Variants in NVL observed in about 807,000 individuals in gnomAD.
The protein encoded by NVL is nuclear valosin-containing protein-like.
In NVL, 84 loss-of-function variants were observed where a neutral mutation model predicts 110.2. The ratio of observed to expected loss-of-function variants is 0.76; its 90% CI spans 0.64 to 0.91. The LOEUF (loss-of-function observed/expected upper bound fraction) is 0.91, where lower values mean the gene tolerates loss of function less well. NVL is among the 40% of genes least tolerant of loss of function. The pLI, the probability that NVL is intolerant of heterozygous loss-of-function variation, is 0.00. For missense variants in NVL, 882 were observed against 1,035.9 expected (o/e 0.85, Z 2.04); for synonymous variants, 354 against 361.1 (o/e 0.98, Z 0.22).
chr1:224,319,742 G>A (rs749353373), intron 2 of NVL, among the ~76,000 whole-genome samples: 2 of 152,074 alleles, frequency 1.3e-5, no homozygotes, highest in Non-Finnish European at 2.9e-5. Flanking sequence ...AAATATAGGT[G>A]AAAGTTTGAT....
rs1390160288 is a variant in NVL, at chr1:224,305,176, A to C, written c.616-10T>G. On this transcript the variant is annotated splice_polypyrimidine_tract_variant and intron_variant, in intron 6 of 22. Transcript: ENST00000281701. ...AAGAATCTTTTGAATCCTGGAAAGA[A>C]AATAAATTTAAATATGCCATGCTTA... is the stretch of plus-strand genomic sequence containing the variant. The C allele has an allele frequency of 6.3e-7, 1 of 1,593,088 alleles. No homozygotes were observed. The highest frequency in any genetic ancestry group is 2.2e-5 in the East Asian group (1 of 44,806).
rs1667175206 is a variant in NVL at position 224,289,522 on chromosome 1, C to T, written c.1537G>A (p.Glu513Lys). The T allele has an allele frequency of 3.1e-6, 5 of 1,614,122 alleles. No individual in the cohort carries two copies. The African/African-American group carries it at 6.7e-5, about 22-fold the overall frequency. ...MEDLPSKGVQ[E>K]ERLGTEPTSE... ...GTGGGCTCAGTTCCCAGCCTTTCCT[C>T]CTGGACTCCTTTAGATGGCAAATCT... The change falls in exon 13 of 23, where the codon GAG becomes AAG. Residue 513 changes from glutamate (E) to lysine (K), a missense_variant. Physicochemically the swap from Glu to Lys is moderately conservative, Grantham distance 56 (BLOSUM62 1). Coordinates refer to ENST00000281701, the MANE Select transcript of NVL (RefSeq NM_002533.4).
chr1:224,325,337 G>A (rs748266267), intron 2 of NVL, among the ~76,000 whole-genome samples: 15 of 151,332 alleles, frequency 9.9e-5, no homozygotes, highest in South Asian at 2.1e-4. Context: ...TTAGGGAGGC[G>A]AAGGTGGAAG....
At chr1:224,235,578 G>A (rs908748126) in intron 20 of NVL, among the ~76,000 whole-genome samples, 1 of 151,924 alleles carries the variant, frequency 6.6e-6, no homozygotes, top group Admixed American at 6.6e-5. Flanking sequence ...ACCCCTGCCT[G>A]AGACTCTGAT....
chr1:224,293,130 C>T (rs971017737), intron 12 of NVL, among the ~76,000 whole-genome samples: 2 of 149,442 alleles, frequency 1.3e-5, no homozygotes, highest in Non-Finnish European at 3.0e-5. Context: ...AGTGCAGTGG[C>T]GCCATCTCGG....
chr1:224,327,517 T>A (rs1671256655), intron 1 of NVL, among the ~76,000 whole-genome samples: 1 of 152,118 alleles, frequency 6.6e-6, no homozygotes, highest in Non-Finnish European at 1.5e-5. Flanking sequence ...TAAGACTATC[T>A]TCAGGCTATG....
intron 18 of NVL, among the ~76,000 whole-genome samples, chr1:224,265,071 G>A (rs188943557): frequency 1.5e-4 from 23 of 152,184 alleles, no homozygotes; most frequent in East Asian, 7.7e-4. Context: ...AATGTAGGTC[G>A]TTAATGCAAC....
At chr1:224,311,015 G>A (rs970428940) in intron 5 of NVL, among the ~76,000 whole-genome samples, 2 of 152,012 alleles carry the variant, frequency 1.3e-5, no homozygotes, top group African/African-American at 4.8e-5. Flanking sequence ...TTACAGACGT[G>A]AGCCATAACC....
At chr1:224,319,830 C>T (rs979009104) in intron 2 of NVL, among the ~76,000 whole-genome samples, 1 of 152,026 alleles carries the variant, frequency 6.6e-6, no homozygotes, top group Non-Finnish European at 1.5e-5. Context: ...TACAGTGGAT[C>T]GATCAAAACT....
intron 22 of NVL, among the ~76,000 whole-genome samples, chr1:224,231,017 C>T (rs1659817310): frequency 6.6e-6 from 1 of 151,686 alleles, no homozygotes. Context: ...CCTGTAGTCC[C>T]AGCTACTTGG....
At chr1:224,230,276 T>C (rs1659724823) in intron 22 of NVL, among the ~76,000 whole-genome samples, 1 of 152,020 alleles carries the variant, frequency 6.6e-6, no homozygotes, top group Admixed American at 6.6e-5. Context: ...AAGCGTAGAG[T>C]AGGTCAAATA....
At chr1:224,329,148 G>A (rs933071778) in intron 1 of NVL, among the ~76,000 whole-genome samples, 29 of 152,146 alleles carry the variant, frequency 1.9e-4, no homozygotes, top group Middle Eastern at 3.4e-3. Flanking sequence ...GAGGCCGAGG[G>A]TGCAGTGAGT....
In NVL at chr1:224,304,799, C is replaced by A. The variant is rs767077019; in HGVS notation, c.762G>T (p.Gly254=). 1 of 1,613,868 alleles carries A rather than the reference C, an allele frequency of 6.2e-7. No individual in the cohort carries two copies. Among genetic ancestry groups the A allele is most frequent in the Non-Finnish European group, 8.5e-7 (1 of 1,179,810 alleles). Residue 254 remains glycine (G), a synonymous_variant, in exon 8 of 23, where the codon GGG becomes GGT. Coordinates refer to ENST00000281701, the MANE Select transcript of NVL (RefSeq NM_002533.4). ...AVLQKKAKAR[G]LEFQISNVKF... ...TCACGTTGGAGATCTGGAATTCTAA[C>A]CCCCTGGCTTTAGCTGGTAAACAAA...
rs1240784406 is a variant in NVL at position 224,281,152 on chromosome 1, A to G, written c.1933T>C (p.Ser645Pro). ...VANESGLNFI[S>P]VKGPELLNMY... Reference sequence around the variant, plus strand: ...TTTAGTAATTCGGGGCCCTTGACAGATATAAAATTTAGTCCGGACTCATTT... The same window carrying G: ...TTTAGTAATTCGGGGCCCTTGACAGGTATAAAATTTAGTCCGGACTCATTT... Residue 645 changes from serine to proline, a missense_variant, in exon 16 of 23, where the codon TCT (serine) becomes CCT (proline). By Grantham distance (74) the Ser-to-Pro change is moderately conservative. Coordinates refer to ENST00000281701, the MANE Select transcript of NVL (RefSeq NM_002533.4). 6.2e-7 allele frequency: 1 copy of G among 1,613,974 alleles called. No individual in the cohort carries two copies. The highest frequency in any genetic ancestry group is 8.5e-7 in the Non-Finnish European group (1 of 1,179,954).
Position 224,270,511 on chromosome 1 carries a change from T to C in NVL, c.2083-2378A>G, listed in dbSNP as rs550265304. 3.3e-5 allele frequency among the ~76,000 whole-genome samples: 5 copies of C among 152,216 alleles called. No individual in the cohort carries two copies. The South Asian group carries it at 8.3e-4, about 25-fold the overall frequency. On this transcript the variant is annotated intron_variant, in intron 17 of 22. Transcript: ENST00000281701. ...AGGCGGAGGCTGCAGTAAGCCAAGA[T>C]TGCATCATTGCATTCCAGCCTGGGC...
chr1:224,292,382 A>C (rs992313161), intron 12 of NVL, among the ~76,000 whole-genome samples: 10 of 152,220 alleles, frequency 6.6e-5, no homozygotes, highest in Admixed American at 5.2e-4. Flanking sequence ...TTACAGATAA[A>C]GTTATTACTA....
At chr1:224,313,331 T>A (rs1360929404) in intron 4 of NVL, among the ~76,000 whole-genome samples, 1 of 150,230 alleles carries the variant, frequency 6.7e-6, no homozygotes, top group Non-Finnish European at 1.5e-5. Context: ...AAATTCCAAG[T>A]GGATTAAAGA....
In NVL at chr1:224,287,824, T is replaced by A. The variant is rs753800587; in HGVS notation, c.1745A>T (p.Asp582Val). ...FVTVPNVTWA[D>V]IGALEDIREE... is the part of the protein sequence containing the mutation. Reference sequence around the variant, plus strand: ...TCTAATGTCTTCCAGGGCACCAATATCTGCCCATGTCACATTAGGGACAGT... The same window carrying A: ...TCTAATGTCTTCCAGGGCACCAATAACTGCCCATGTCACATTAGGGACAGT... Residue 582 changes from aspartate (D) to valine (V), a missense_variant, in exon 14 of 23, where the codon GAT becomes GTT. Physicochemically the swap from Asp to Val is radical, Grantham distance 152. Transcript: ENST00000281701. 1 of 1,614,014 alleles carries A rather than the reference T, an allele frequency of 6.2e-7. No individual in the cohort carries two copies. Among genetic ancestry groups the A allele is most frequent in the African/African-American group, 1.3e-5 (1 of 74,914 alleles).
chr1:224,286,216 T>G (rs1163283182), intron 14 of NVL, 86 bp from the exon 15 acceptor site: 5 of 280,906 alleles, frequency 1.8e-5, no homozygotes, highest in South Asian at 8.2e-5. Flanking sequence ...TATTTTATGG[T>G]TTTTTTTTTT....
Sources: allele counts gnomAD v4.1 joint callset (sites outside exome capture counted in the v4.1 genomes callset), GRCh38; gene constraint gnomAD v4.1.1; transcripts MANE v1.5; gene names NCBI Gene and HGNC (gene_info 2026-07-23, HGNC 2026-07-21).